The following ZFYVE9 variants were observed in gnomAD, a reference collection of about 807,000 sequenced individuals.
ZFYVE9 encodes zinc finger FYVE domain-containing protein 9.
ZFYVE9 carries 43 observed loss-of-function variants against 126.7 expected under a neutral mutation model. The observed-to-expected ratio is 0.34, with a 90% CI of 0.27 to 0.44. The LOEUF (loss-of-function observed/expected upper bound fraction) is 0.44. ZFYVE9 is among the 20% of genes least tolerant of loss of function. ZFYVE9 has a pLI of 1.00. For missense variants in ZFYVE9, 1,476 were observed against 1,697.0 expected (o/e 0.87, Z 2.29); for synonymous variants, 521 against 597.4 (o/e 0.87, Z 1.87).
At chr1:52,330,822 C>G (rs1374719791) in intron 13 of ZFYVE9, among the ~76,000 whole-genome samples, 1 of 152,110 alleles carries the variant, frequency 6.6e-6, no homozygotes, top group African/African-American at 2.4e-5. Context: ...TACCCAGCCC[C>G]TGTTCAAGAT....
chr1:52,302,876 G>A (rs903362612), intron 12 of ZFYVE9, among the ~76,000 whole-genome samples: 4 of 152,054 alleles, frequency 2.6e-5, no homozygotes, highest in East Asian at 1.9e-4. Context: ...TTGAGAGACC[G>A]AGGCAGGTGG....
chr1:52,289,702 A>G (rs1359902224), intron 10 of ZFYVE9, among the ~76,000 whole-genome samples: 1 of 152,204 alleles, frequency 6.6e-6, no homozygotes, highest in Non-Finnish European at 1.5e-5. Flanking sequence ...GCCAATATCT[A>G]CACCTGTGCA....
rs1279846025 is a variant in ZFYVE9, at chr1:52,142,990, C to G, written c.-143+587C>G. 1.3e-5 allele frequency among the ~76,000 whole-genome samples: 2 copies of G among 152,152 alleles called. No homozygotes were observed. The highest frequency in any genetic ancestry group is 2.9e-5 in the Non-Finnish European group (2 of 68,024). ...TTTGAGGTGAAATTTCATCACCTGC[C>G]GGTTGCTCATTCCTGCCTCTTTATA... On this transcript the variant is annotated intron_variant, in intron 1 of 18. Coordinates refer to ENST00000287727, the MANE Select transcript of ZFYVE9 (RefSeq NM_004799.4). This position sits in a 1 kb window ranked among gnomAD's most constrained non-coding sequence, Gnocchi z 4.5.
At chr1:52,181,332 G>T (rs1644700295) in intron 1 of ZFYVE9, among the ~76,000 whole-genome samples, 1 of 152,248 alleles carries the variant, frequency 6.6e-6, no homozygotes, top group African/African-American at 2.4e-5. Context: ...TGATCCGCCA[G>T]CCTCGGCCTC....
At chr1:52,145,996 G>T (rs533216895) in intron 1 of ZFYVE9, among the ~76,000 whole-genome samples, 16 of 150,570 alleles carry the variant, frequency 1.1e-4, no homozygotes, top group African/African-American at 3.9e-4. Context: ...CTCTGTATCT[G>T]TGGGTCCTCC....
intron 1 of ZFYVE9, among the ~76,000 whole-genome samples, chr1:52,154,425 A>G (rs776224223): frequency 1.3e-4 from 20 of 152,026 alleles, no homozygotes; most frequent in Admixed American, 3.9e-4. Context: ...TTCCATCTCT[A>G]TTTCTGCCAC....
Position 52,216,426 on chromosome 1 carries a change from A to C in ZFYVE9, c.-85A>C. 2.5e-6 allele frequency: 1 copy of C among 398,576 alleles called. No individual in the cohort carries two copies. The highest frequency in any genetic ancestry group is 4.4e-5 in the Admixed American group (1 of 22,730). 24.7% of individuals were successfully genotyped at this position (398,576 alleles called of 1,614,324 possible). Reference sequence around the variant, plus strand: ...GGCTGGTGGTGCAGCAGACATCATGAGTAAGCACCGAGAAGTCTGTTCCTT... The same window carrying C: ...GGCTGGTGGTGCAGCAGACATCATGCGTAAGCACCGAGAAGTCTGTTCCTT... On this transcript the variant is annotated 5_prime_UTR_variant, in exon 2 of 19. Transcript: ENST00000287727.
chr1:52,255,103 A>G (rs1189428644), intron 4 of ZFYVE9, among the ~76,000 whole-genome samples: 3 of 152,060 alleles, frequency 2.0e-5, no homozygotes, highest in African/African-American at 7.2e-5. Context: ...AAAAAAAAAA[A>G]AAAGGTTAAT....
intron 2 of ZFYVE9, among the ~76,000 whole-genome samples, chr1:52,227,327 T>G (rs750198418): frequency 2.0e-5 from 3 of 151,554 alleles, no homozygotes; most frequent in Non-Finnish European, 4.4e-5. Context: ...TGCCCTCTTT[T>G]CTGCCTTCAC....
chr1:52,249,704 T>A (rs1645425300), intron 4 of ZFYVE9, among the ~76,000 whole-genome samples: 1 of 152,248 alleles, frequency 6.6e-6, no homozygotes, highest in Admixed American at 6.5e-5. Context: ...CCAAATTTGA[T>A]GTCATGAAGT....
chr1:52,309,851 G>A (rs1646121639), intron 13 of ZFYVE9, among the ~76,000 whole-genome samples: 2 of 152,192 alleles, frequency 1.3e-5, no homozygotes, highest in Admixed American at 6.5e-5. Flanking sequence ...TAGAAAGCTA[G>A]AAGATAGTAC....
At chr1:52,175,390 G>A (rs1474127452) in intron 1 of ZFYVE9, among the ~76,000 whole-genome samples, 2 of 151,800 alleles carry the variant, frequency 1.3e-5, no homozygotes, top group Admixed American at 1.3e-4. Flanking sequence ...AGTCTGATGG[G>A]CTTCCCTTTG....
At chr1:52,309,917 T>A (rs1322275066) in intron 13 of ZFYVE9, among the ~76,000 whole-genome samples, 4 of 152,160 alleles carry the variant, frequency 2.6e-5, no homozygotes, top group African/African-American at 9.7e-5. Context: ...TAATCTCTTT[T>A]GTCAAGGCCA....
intron 1 of ZFYVE9, among the ~76,000 whole-genome samples, chr1:52,150,623 T>C (rs1644346901): frequency 6.6e-6 from 1 of 151,730 alleles, no homozygotes; most frequent in African/African-American, 2.4e-5. Context: ...AAAAATTGGC[T>C]GGGCGTGGCG....
chr1:52,316,483 CAAAA>C (rs34497476), intron 13 of ZFYVE9, among the ~76,000 whole-genome samples: 1 of 80,766 alleles, frequency 1.2e-5, no homozygotes, highest in Admixed American at 1.3e-4. Flanking sequence ...AGACTGGTCT[CAAAA>C]AAAAAAAAAA....
intron 14 of ZFYVE9, among the ~76,000 whole-genome samples, chr1:52,334,350 A>C (rs1333841249): frequency 6.6e-6 from 1 of 152,196 alleles, no homozygotes; most frequent in African/African-American, 2.4e-5. Context: ...TGTTTCAATA[A>C]AATTTTATTT....
At position 52,158,953 on chromosome 1, in the gene ZFYVE9, C is replaced by T. The variant is rs147758944; in HGVS notation, c.-143+16550C>T. Among the ~76,000 whole-genome samples, 607 of 152,140 alleles carry T rather than the reference C, an allele frequency of 4.0e-3. 12 individuals are homozygous for T. In the South Asian group the frequency reaches 0.043, roughly 11 times the overall value. On this transcript the variant is annotated intron_variant, in intron 1 of 18. Coordinates refer to ENST00000287727, the MANE Select transcript of ZFYVE9 (RefSeq NM_004799.4). ...GACTACAGGCGCCTGCCACCATGCC[C>T]GGCTAATTTTTTGTATTTTTAGTAG...
intron 9 of ZFYVE9, among the ~76,000 whole-genome samples, chr1:52,279,018 C>T (rs1210594755): frequency 6.6e-6 from 1 of 152,030 alleles, no homozygotes; most frequent in African/African-American, 2.4e-5. Context: ...GGATTACAGG[C>T]ATGAGCCACC....
At chr1:52,258,320 T>G (rs1445235935) in intron 4 of ZFYVE9, among the ~76,000 whole-genome samples, 2 of 143,168 alleles carry the variant, frequency 1.4e-5, no homozygotes, top group African/African-American at 5.2e-5. Flanking sequence ...CTGACTTTAC[T>G]TTTTTACTCT....
Sources: gnomAD v4.1 joint callset for allele counts (sites outside exome capture counted in the v4.1 genomes callset) on GRCh38, gnomAD v4.1.1 for gene constraint, Gnocchi (gnomAD v3.1) non-coding constraint, MANE v1.5 for transcripts, NCBI Gene and HGNC (gene_info 2026-07-23, HGNC 2026-07-21) for gene names.